The following SLC27A6 variants were observed in gnomAD, a reference collection of about 807,000 sequenced individuals.
SLC27A6 encodes the protein solute carrier family 27 member 6.
Under a neutral mutation model 63.9 loss-of-function variants are expected in SLC27A6, and 74 were observed. The observed-to-expected ratio is 1.16, with a 90% CI of 0.96 to 1.40. The LOEUF (loss-of-function observed/expected upper bound fraction) is 1.40. SLC27A6 is among the 40% of genes most tolerant of loss of function. The probability of loss-of-function intolerance (pLI) is 0.00; values close to 1 mark genes in which losing one functional copy is unlikely to be tolerated. For missense variants in SLC27A6, 794 were observed against 732.9 expected, an observed-to-expected ratio of 1.08 and a Z score of -0.96; for synonymous variants, 287 against 260.8, an observed-to-expected ratio of 1.10 and a Z score of -0.97.
At chr5:128,970,083 C>T (rs4371807) in intron 1 of SLC27A6, among the ~76,000 whole-genome samples, 100,489 of 140,276 alleles carry the variant, frequency 0.72, 36,654 homozygotes, top group East Asian at 0.88. Context: ...TTTGCATGTG[C>T]TGAACAAGCC....
chr5:128,988,980 C>T (rs953941322), intron 3 of SLC27A6, among the ~76,000 whole-genome samples: 6 of 152,062 alleles, frequency 3.9e-5, no homozygotes, highest in East Asian at 1.9e-4. Flanking sequence ...GCCATGTGGT[C>T]GGAGCTGGCT....
At chr5:128,981,900 G>A (rs567205652) in intron 1 of SLC27A6, among the ~76,000 whole-genome samples, 9 of 149,572 alleles carry the variant, frequency 6.0e-5, no homozygotes, top group Non-Finnish European at 1.2e-4. Context: ...TGCAACCTCC[G>A]CCTCCCAGGC....
chr5:128,980,845 G>T (rs1738177519), intron 1 of SLC27A6, among the ~76,000 whole-genome samples: 1 of 152,098 alleles, frequency 6.6e-6, no homozygotes, highest in Non-Finnish European at 1.5e-5. Context: ...GAAAGTATTA[G>T]CTTGTTTTAT....
In SLC27A6 at chr5:129,029,654, C is replaced by G; in HGVS notation, c.1630C>G (p.Gln544Glu). 1 of 1,600,546 alleles carries G rather than the reference C, an allele frequency of 6.2e-7. No individual in the cohort carries two copies. Among genetic ancestry groups the G allele is most frequent in the Non-Finnish European group, 8.5e-7 (1 of 1,174,878 alleles). Residue 544 changes from glutamine to glutamate, a missense_variant, in exon 9 of 10, where the codon CAA becomes GAA. Coordinates refer to ENST00000262462, the MANE Select transcript of SLC27A6 (RefSeq NM_001017372.3). ...TTTAGATTTGGAAAAAGTTTATGAA[C>G]AAGTTGTAACATTTCTACCAGCTTA... ...TSLDLEKVYEQVVTFLPAYAC... is the reference protein window; with the variant it reads ...TSLDLEKVYEEVVTFLPAYAC...
At chr5:128,990,911 A>AGGGG (rs1479368115) in intron 4 of SLC27A6, among the ~76,000 whole-genome samples, 9 of 152,194 alleles carry the variant, frequency 5.9e-5, no homozygotes, top group African/African-American at 2.2e-4. Context: ...CTGGATCTGG[A>AGGGG]GGGGTGGAAG....
rs1262173123 is a variant in SLC27A6, at chr5:128,990,413, T to A, written c.918T>A (p.Thr306=). 6.2e-7 allele frequency: 1 copy of A among 1,613,970 alleles called. No homozygotes were observed. Among genetic ancestry groups the A allele is most frequent in the East Asian group, 2.2e-5 (1 of 44,854 alleles). The part of the protein sequence containing the change: ...FWSDCKKYDV[T]VFQYIGELCR... ...GTGACTGCAAGAAGTATGATGTGAC[T>A]GTGTTTCAGTATATTGGAGAACTTT... The change falls in exon 4 of 10, where the codon ACT becomes ACA. Residue 306 remains threonine (T), a synonymous_variant. Transcript: ENST00000262462.
intron 1 of SLC27A6, among the ~76,000 whole-genome samples, chr5:128,971,781 A>T (rs111545809): frequency 0.24 from 36,680 of 151,998 alleles, 4,970 homozygotes; most frequent in Middle Eastern, 0.33. Flanking sequence ...TAATATTGTT[A>T]TGTGTGAGTC....
intron 1 of SLC27A6, among the ~76,000 whole-genome samples, chr5:128,970,736 G>T (rs190663056): frequency 1.3e-5 from 2 of 151,512 alleles, no homozygotes; most frequent in African/African-American, 4.8e-5. Context: ...TTTTTTGAAG[G>T]GTTTTTTATG....
intron 9 of SLC27A6, among the ~76,000 whole-genome samples, chr5:129,031,470 A>C (rs1237376489): frequency 1.3e-5 from 2 of 151,978 alleles, no homozygotes; most frequent in African/African-American, 4.8e-5. Flanking sequence ...CTGCTCATGG[A>C]ACCATAAATT....
chr5:129,015,171 AT>A (rs1643945673), intron 4 of SLC27A6, among the ~76,000 whole-genome samples: 1 of 152,140 alleles, frequency 6.6e-6, no homozygotes, highest in African/African-American at 2.4e-5. Flanking sequence ...TTTTACTCTA[AT>A]TTTAGGTGAG....
At chr5:129,013,995 A>G (rs1231722477) in intron 4 of SLC27A6, among the ~76,000 whole-genome samples, 1 of 152,166 alleles carries the variant, frequency 6.6e-6, no homozygotes, top group East Asian at 1.9e-4. Context: ...TTTTATTGAG[A>G]TACTTCCAGA....
At position 128,974,238 on chromosome 5, in the gene SLC27A6, C is replaced by T. The variant is rs535829122; in HGVS notation, c.481+7620C>T. On this transcript the variant is annotated intron_variant, in intron 1 of 9. Coordinates refer to ENST00000262462, the MANE Select transcript of SLC27A6 (RefSeq NM_001017372.3). ...CTTGTGCCAGCTTTTACTTTGCTTGCCAATAACTAATTGCATTGTTTTCTT... is the reference window on the plus strand; with the variant it reads ...CTTGTGCCAGCTTTTACTTTGCTTGTCAATAACTAATTGCATTGTTTTCTT... Among the ~76,000 whole-genome samples, 7 of 152,276 alleles carry T rather than the reference C, an allele frequency of 4.6e-5. No individual in the cohort carries two copies. In the East Asian group the frequency reaches 1.4e-3, roughly 29 times the overall value.
Position 128,999,895 on chromosome 5 carries a change from T to G in SLC27A6, c.969+9431T>G, listed in dbSNP as rs139513038. On this transcript the variant is annotated intron_variant, in intron 4 of 9. Coordinates refer to ENST00000262462, the MANE Select transcript of SLC27A6 (RefSeq NM_001017372.3). ...CATGCATCAAGAGAATACAAAAAGG[T>G]TAACTACTGACAGACCCTTCTGAGG... Among the ~76,000 whole-genome samples the G allele has an allele frequency of 1.3e-3, 202 of 152,178 alleles. 1 individual carries two copies. Among genetic ancestry groups the G allele is most frequent in the African/African-American group, 4.7e-3 (196 of 41,516 alleles).
chr5:129,005,608 A>ATT (rs34048257), intron 4 of SLC27A6, among the ~76,000 whole-genome samples: 2,981 of 98,922 alleles, frequency 0.03, 352 homozygotes, highest in East Asian at 0.13. Context: ...GTCTGGTTGT[A>ATT]TTTTTTTTTT....
Position 128,974,600 on chromosome 5 carries a change from T to A in SLC27A6, c.481+7982T>A, listed in dbSNP as rs188196348. ...ACATTAAATTTCAGATTTCTTGGAT[T>A]CTCATTGGATGTTTCTGATGGTGTA... On this transcript the variant is annotated intron_variant, in intron 1 of 9. Coordinates refer to ENST00000262462, the MANE Select transcript of SLC27A6 (RefSeq NM_001017372.3). Among the ~76,000 whole-genome samples the A allele has an allele frequency of 2.2e-3, 333 of 152,334 alleles. 2 individuals are homozygous for A. Among genetic ancestry groups the A allele is most frequent in the African/African-American group, 7.7e-3 (319 of 41,578 alleles).
rs546783161 is a variant in SLC27A6, at chr5:128,967,674, G to A, written c.481+1056G>A. On this transcript the variant is annotated intron_variant, in intron 1 of 9. Coordinates refer to ENST00000262462, the MANE Select transcript of SLC27A6 (RefSeq NM_001017372.3). ...TAGGCAGTATATGGAAAATGGGCTA[G>A]CCCTTCAAGGCTATCACTGTTCCTA... 2.6e-5 allele frequency among the ~76,000 whole-genome samples: 4 copies of A among 152,246 alleles called. No homozygotes were observed. The South Asian group carries it at 8.3e-4, about 32-fold the overall frequency.
chr5:128,987,315 G>A (rs763163483), intron 2 of SLC27A6, among the ~76,000 whole-genome samples: 23 of 152,090 alleles, frequency 1.5e-4, no homozygotes, highest in Non-Finnish European at 2.8e-4. Flanking sequence ...AGAATGTCCT[G>A]GACAGTGAAA....
Position 128,987,120 on chromosome 5 carries a change from G to A in SLC27A6, c.686-1480G>A, listed in dbSNP as rs753659011. Among the ~76,000 whole-genome samples, 28 of 152,130 alleles carry A rather than the reference G, an allele frequency of 1.8e-4. 1 individual carries two copies. Among genetic ancestry groups the A allele is most frequent in the South Asian group, 8.3e-4 (4 of 4,816 alleles). ...TAAAAAGTAGGGGATATAAAAGAAA[G>A]TCTCCCTCCCTATAAATATGTATAT... On this transcript the variant is annotated intron_variant, in intron 2 of 9. Transcript: ENST00000262462.
intron 4 of SLC27A6, among the ~76,000 whole-genome samples, chr5:128,998,117 C>CAAAAAAAAA (rs34463699): frequency 3.4e-5 from 3 of 89,384 alleles, no homozygotes; most frequent in Non-Finnish European, 4.4e-5. Context: ...CCCATCTCTA[C>CAAAAAAAAA]AAAAAAAAAA....
Sources: gnomAD v4.1 joint callset for allele counts (sites outside exome capture counted in the v4.1 genomes callset) on GRCh38, gnomAD v4.1.1 for gene constraint, MANE v1.5 for transcripts, NCBI Gene and HGNC (gene_info 2026-07-23, HGNC 2026-07-21) for gene names.